The following ARHGEF15 variants were observed in gnomAD, a reference collection of about 807,000 sequenced individuals.
ARHGEF15 encodes the protein Rho guanine nucleotide exchange factor 15.
Under a neutral mutation model 79.7 loss-of-function variants are expected in ARHGEF15, and 58 were observed. That is an observed-to-expected ratio of 0.73 (90% CI 0.59 to 0.91). ARHGEF15 has a LOEUF of 0.91. Among genes scored for constraint, ARHGEF15 ranks in the 40% least tolerant of loss-of-function variants. The pLI is 0.00. For synonymous variants in ARHGEF15, 442 were observed against 456.0 expected, an observed-to-expected ratio of 0.97 and a Z score of 0.39; for missense variants, 1,012 against 1,108.1, an observed-to-expected ratio of 0.91 and a Z score of 1.23.
At position 8,311,032 on chromosome 17, in the gene ARHGEF15, A is replaced by C. The variant is rs144155879; in HGVS notation, c.-50+689A>C. Among the ~76,000 whole-genome samples the C allele has an allele frequency of 3.7e-3, 555 of 151,604 alleles. 4 individuals are homozygous for C. The highest frequency in any genetic ancestry group is 0.013 in the African/African-American group (530 of 41,304). ...ACTTTGCTAAATGACTTTCTGCCAG[A>C]ACACAGAGGCCACTGAGCTGCAAGA... On this transcript the variant is annotated intron_variant, in intron 1 of 15. Transcript: ENST00000361926.
chr17:8,318,369 C>T lies in ARHGEF15; in HGVS notation c.1705-18C>T, dbSNP rs181078470. ...CCACAGAGCAGGGGGCCCAGTCACCCTTCCTCCTTGTCCCCAGAATATCCT... is the reference window on the plus strand; with the variant it reads ...CCACAGAGCAGGGGGCCCAGTCACCTTTCCTCCTTGTCCCCAGAATATCCT... On this transcript the variant is annotated intron_variant, in intron 9 of 15. Coordinates refer to ENST00000361926, the MANE Select transcript of ARHGEF15 (RefSeq NM_173728.4). The surrounding 1 kb of genome is among the most constrained non-coding windows in gnomAD (Gnocchi z 5.0). The T allele has an allele frequency of 2.6e-5, 42 of 1,611,980 alleles. No homozygotes were observed. The highest frequency in any genetic ancestry group is 3.6e-5 in the Non-Finnish European group (42 of 1,179,244).
chr17:8,318,927 G>T lies in ARHGEF15; in HGVS notation c.2033+17G>T. 6.2e-7 allele frequency: 1 copy of T among 1,610,356 alleles called. No individual in the cohort carries two copies. Among genetic ancestry groups the T allele is most frequent in the African/African-American group, 1.3e-5 (1 of 74,956 alleles). On this transcript the variant is annotated intron_variant, in intron 12 of 15. Coordinates refer to ENST00000361926, the MANE Select transcript of ARHGEF15 (RefSeq NM_173728.4). This position sits in a 1 kb window ranked among gnomAD's most constrained non-coding sequence, Gnocchi z 5.0. ...GCCTAAGAGGTGAGTCCTAGGGAAG[G>T]AAGGAGCCCAGGCTGGAGTGGGCAG...
At position 8,315,119 on chromosome 17, in the gene ARHGEF15, G is replaced by A; in HGVS notation, c.1102G>A (p.Val368Met). 1.2e-6 allele frequency: 2 copies of A among 1,614,040 alleles called. No individual in the cohort carries two copies. Among genetic ancestry groups the A allele is most frequent in the Non-Finnish European group, 1.7e-6 (2 of 1,179,976 alleles). The change falls in exon 6 of 16, where the codon GTG becomes ATG. Residue 368 changes from valine (V) to methionine (M), a missense_variant. Physicochemically the swap from Val to Met is conservative, Grantham distance 21. Transcript: ENST00000361926. This position sits in a 1 kb window ranked among gnomAD's most constrained non-coding sequence, Gnocchi z 4.3. ...CGTGCTGTCAGAGGAGCTGTGGGGGGTGGGTGAGGATGGGAGTCCTTCTCC... is the reference window on the plus strand; with the variant it reads ...CGTGCTGTCAGAGGAGCTGTGGGGGATGGGTGAGGATGGGAGTCCTTCTCC... ...AAVLSEELWG[V>M]GEDGSPSPAN...
At chr17:8,317,784 G>A (rs887102302) in intron 9 of ARHGEF15, among the ~76,000 whole-genome samples, 3 of 152,046 alleles carry the variant, frequency 2.0e-5, no homozygotes, top group African/African-American at 4.8e-5. Flanking sequence ...AGGAACCTTC[G>A]GGGCAGGCAC....
At position 8,318,458 on chromosome 17, in the gene ARHGEF15, C is replaced by G. The variant is rs778649616; in HGVS notation, c.1776C>G (p.Ser592Arg). Residue 592 changes from serine to arginine, a missense_variant, in exon 10 of 16, where the codon AGC (serine) becomes AGG (arginine). This residue lies in a region of ARHGEF15 where 818 missense variants were observed against 882.5 expected (regional missense o/e 0.93). Transcript: ENST00000361926. The surrounding 1 kb of genome is among the most constrained non-coding windows in gnomAD (Gnocchi z 5.0). ...ENAQKALGAVSKIIERCSAEV... is the reference protein window; with the variant it reads ...ENAQKALGAVRKIIERCSAEV... Reference sequence around the variant, plus strand: ...CCCAGAAGGCCCTGGGTGCTGTCAGCAAGGTGGGCAGTGGGGAAGCTGAAG... The same window carrying G: ...CCCAGAAGGCCCTGGGTGCTGTCAGGAAGGTGGGCAGTGGGGAAGCTGAAG... The G allele has an allele frequency of 6.2e-7, 1 of 1,613,994 alleles. No individual in the cohort carries two copies.
rs747166386 is a variant in ARHGEF15 at position 8,318,683 on chromosome 17, C to T, written c.1872+21C>T. On this transcript the variant is annotated intron_variant, in intron 11 of 15. Transcript: ENST00000361926. The surrounding 1 kb of genome is among the most constrained non-coding windows in gnomAD (Gnocchi z 5.0). ...TCAAGGTACATCGCTGCCCAGGCTCCCCATCTTGCCCTGCCCCATGTTGCT... is the reference window on the plus strand; with the variant it reads ...TCAAGGTACATCGCTGCCCAGGCTCTCCATCTTGCCCTGCCCCATGTTGCT... The T allele has an allele frequency of 6.2e-7, 1 of 1,610,064 alleles. No individual in the cohort carries two copies. Among genetic ancestry groups the T allele is most frequent in the Non-Finnish European group, 8.5e-7 (1 of 1,177,264 alleles).
In ARHGEF15 at chr17:8,315,917, C is replaced by T; in HGVS notation, c.1574+10C>T. ...CCTACAGCCGCCTCATGTGAGTGTC[C>T]CAGGGGTGGGGAGGAAGCTGGGGAG... On this transcript the variant is annotated intron_variant, in intron 8 of 15. Coordinates refer to ENST00000361926, the MANE Select transcript of ARHGEF15 (RefSeq NM_173728.4). The surrounding 1 kb of genome is among the most constrained non-coding windows in gnomAD (Gnocchi z 4.3). 1.2e-6 allele frequency: 2 copies of T among 1,607,440 alleles called. No homozygotes were observed. Among genetic ancestry groups the T allele is most frequent in the Non-Finnish European group, 8.5e-7 (1 of 1,179,774 alleles).
chr17:8,318,578 G>A lies in ARHGEF15; in HGVS notation c.1788G>A (p.Glu596=), dbSNP rs1905174048. ...KALGAVSKII[E]RCSAEVGRMK... ...CAGCTCCCCTTACCTAGATCATCGA[G>A]CGTTGCAGCGCTGAGGTGGGGCGCA... Residue 596 remains glutamate, a synonymous_variant, in exon 11 of 16, where the codon GAG becomes GAA. Coordinates refer to ENST00000361926, the MANE Select transcript of ARHGEF15 (RefSeq NM_173728.4). This position sits in a 1 kb window ranked among gnomAD's most constrained non-coding sequence, Gnocchi z 5.0. The A allele has an allele frequency of 6.2e-7, 1 of 1,613,522 alleles. No individual in the cohort carries two copies. The highest frequency in any genetic ancestry group is 8.5e-7 in the Non-Finnish European group (1 of 1,179,540).
At chr17:8,311,926 G>A (rs1904646305) in intron 1 of ARHGEF15, 65 bp from the exon 2 acceptor site, 6 of 1,134,256 alleles carry the variant, frequency 5.3e-6, no homozygotes, top group Non-Finnish European at 6.0e-6. Context: ...CTGCCTTCCA[G>A]TGGCCCCAGT....
At chr17:8,310,368 G>T (rs1443867341) in intron 1 of ARHGEF15, 25 bp downstream of exon 1, 1 of 152,254 alleles carries the variant, frequency 6.6e-6, no homozygotes. Context: ...ACCTACTGCA[G>T]AGTTAGGGAG....
rs199891313 is a variant in ARHGEF15, at chr17:8,319,125, C to G, written c.2152C>G (p.Arg718Gly). Residue 718 changes from arginine (R) to glycine (G), a missense_variant, in exon 13 of 16, where the codon CGC (arginine) becomes GGC (glycine). Arg to Gly is a moderately radical substitution (Grantham distance 125). Around this residue, in one of 3 missense-constraint regions of ARHGEF15, gnomAD observed 62 missense variants for 101.3 expected, o/e 0.61. Transcript: ENST00000361926. ...RLSLLSNHQG[R>G]PTHRLLQASS... ...CTCCCTTCTCAGCAACCACCAGGGCCGCCCCACCCACCGACTACTCCAAGC... is the reference window on the plus strand; with the variant it reads ...CTCCCTTCTCAGCAACCACCAGGGCGGCCCCACCCACCGACTACTCCAAGC... The G allele has an allele frequency of 6.2e-7, 1 of 1,613,934 alleles. No homozygotes were observed. Among genetic ancestry groups the G allele is most frequent in the Admixed American group, 1.7e-5 (1 of 60,010 alleles).
At chr17:8,317,906 A>G (rs1458356986) in intron 9 of ARHGEF15, among the ~76,000 whole-genome samples, 1 of 152,072 alleles carries the variant, frequency 6.6e-6, no homozygotes, top group East Asian at 1.9e-4. Flanking sequence ...GCTTCTACTA[A>G]AAATACAAAA....
chr17:8,312,488 T>C lies in ARHGEF15; in HGVS notation c.449T>C (p.Val150Ala), dbSNP rs1314743694. The change falls in exon 2 of 16, where the codon GTG becomes GCG. Residue 150 changes from valine (V) to alanine (A), a missense_variant. Coordinates refer to ENST00000361926, the MANE Select transcript of ARHGEF15 (RefSeq NM_173728.4). ...GGCTCTGCCTCAGCTCCTGGCACTGTGCGGAGGCTGGCTGGCAGGTTTGAA... is the reference window on the plus strand; with the variant it reads ...GGCTCTGCCTCAGCTCCTGGCACTGCGCGGAGGCTGGCTGGCAGGTTTGAA... ...QNGSASAPGT[V>A]RRLAGRFEGG... The C allele has an allele frequency of 1.2e-6, 2 of 1,613,128 alleles. No homozygotes were observed. Among genetic ancestry groups the C allele is most frequent in the Non-Finnish European group, 8.5e-7 (1 of 1,179,746 alleles).
At position 8,312,570 on chromosome 17, in the gene ARHGEF15, G is replaced by T; in HGVS notation, c.531G>T (p.Ala177=). 1 of 1,610,370 alleles carries T rather than the reference G, an allele frequency of 6.2e-7. No individual in the cohort carries two copies. Among genetic ancestry groups the T allele is most frequent in the Non-Finnish European group, 8.5e-7 (1 of 1,178,138 alleles). The change falls in exon 2 of 16, where the codon GCG becomes GCT. Residue 177 remains alanine, a synonymous_variant. Coordinates refer to ENST00000361926, the MANE Select transcript of ARHGEF15 (RefSeq NM_173728.4). ...DADAPEPGLQ[A]RADVNGEREA... is the part of the protein sequence containing the mutation. ...ATGCCCCGGAGCCAGGTCTCCAAGC[G>T]AGAGCAGATGTGAATGGGGAGAGAG...
At position 8,316,135 on chromosome 17, in the gene ARHGEF15, G is replaced by C; in HGVS notation, c.1691G>C (p.Arg564Pro). Reference protein sequence around the residue: ...LLPFQRITRLRMLLQNILRQT... With the variant: ...LLPFQRITRLPMLLQNILRQT... Reference sequence around the variant, plus strand: ...CCCTTCCAGCGCATCACCCGGCTGCGCATGCTGCTGCAGGTACCTGTCCCA... The same window carrying C: ...CCCTTCCAGCGCATCACCCGGCTGCCCATGCTGCTGCAGGTACCTGTCCCA... Residue 564 changes from arginine (R) to proline (P), a missense_variant, in exon 9 of 16, where the codon CGC becomes CCC. By Grantham distance (103) the Arg-to-Pro change is moderately radical (BLOSUM62 -2). Around this residue, in one of 3 missense-constraint regions of ARHGEF15, gnomAD observed 818 missense variants for 882.5 expected, o/e 0.93. Transcript: ENST00000361926. 6.2e-7 allele frequency: 1 copy of C among 1,601,788 alleles called. No individual in the cohort carries two copies. The highest frequency in any genetic ancestry group is 1.7e-5 in the Admixed American group (1 of 59,662).
Position 8,313,053 on chromosome 17 carries a change from C to T in ARHGEF15, c.733C>T (p.Arg245Trp), listed in dbSNP as rs371870992. 1.1e-4 allele frequency: 176 copies of T among 1,613,378 alleles called. No individual in the cohort carries two copies. The highest frequency in any genetic ancestry group is 1.6e-4 in the Middle Eastern group (1 of 6,084). Reference sequence around the variant, plus strand: ...GGTCCCCCGTCGGGCCTCCCCGCTGCGGACCTCTCGCTCCCGCCCCCACCC... The same window carrying T: ...GGTCCCCCGTCGGGCCTCCCCGCTGTGGACCTCTCGCTCCCGCCCCCACCC... Reference protein sequence around the residue: ...PRVPRRASPLRTSRSRPHPPS... With the variant: ...PRVPRRASPLWTSRSRPHPPS... Residue 245 changes from arginine (R) to tryptophan (W), a missense_variant, in exon 3 of 16, where the codon CGG (arginine) becomes TGG (tryptophan). By Grantham distance (101) the Arg-to-Trp change is moderately radical. This residue lies in a region of ARHGEF15 where 818 missense variants were observed against 882.5 expected (regional missense o/e 0.93). Transcript: ENST00000361926.
In ARHGEF15 at chr17:8,318,256, G is replaced by T; in HGVS notation, c.1705-131G>T. 1 of 850,736 alleles carries T rather than the reference G, an allele frequency of 1.2e-6. No homozygotes were observed. The highest frequency in any genetic ancestry group is 2.4e-5 in the East Asian group (1 of 40,994). The allele number at this position is 850,736 out of a possible 1,614,324, so 52.7% of individuals were successfully genotyped here. On this transcript the variant is annotated intron_variant, in intron 9 of 15. Transcript: ENST00000361926. This position sits in a 1 kb window ranked among gnomAD's most constrained non-coding sequence, Gnocchi z 5.0. The stretch of plus-strand genomic sequence containing the variant: ...AACAGGACTTGCTCAGGGTTCTGCA[G>T]ATGGTGAGTGATGAGGTCTGTCAGC...
At chr17:8,313,682 T>G in intron 4 of ARHGEF15, 127 bp downstream of exon 4, 1 of 949,536 alleles carries the variant, frequency 1.1e-6, no homozygotes, top group African/African-American at 1.7e-5. Flanking sequence ...GCCAGGGCTC[T>G]AGAGATAAGC....
Position 8,313,107 on chromosome 17 carries a change from C to G in ARHGEF15, c.787C>G (p.Leu263Val). 6.2e-7 allele frequency: 1 copy of G among 1,613,666 alleles called. No homozygotes were observed. Among genetic ancestry groups the G allele is most frequent in the Admixed American group, 1.7e-5 (1 of 60,006 alleles). The change falls in exon 3 of 16, where the codon CTC (leucine) becomes GTC (valine). Residue 263 changes from leucine (L) to valine (V), a missense_variant. Leu to Val is a conservative substitution (Grantham distance 32). Transcript: ENST00000361926. ...AAGCATCGGTCACCCTGCCGTTGTC[C>G]TCACATCCTACCGCTCCACTGCTGA... ...PPSIGHPAVVLTSYRSTAERK... is the reference protein window; with the variant it reads ...PPSIGHPAVVVTSYRSTAERK...
Sources: allele counts gnomAD v4.1 joint callset (sites outside exome capture counted in the v4.1 genomes callset), GRCh38; gene constraint gnomAD v4.1.1; regional missense constraint gnomAD v4.1.1; non-coding constraint Gnocchi (gnomAD v3.1); transcripts MANE v1.5; gene names NCBI Gene and HGNC (gene_info 2026-07-23, HGNC 2026-07-21).